GASK1A: variants seen among roughly 807,000 people sequenced by gnomAD.
The protein encoded by GASK1A is golgi associated kinase 1A.
A neutral mutation model predicts 41.2 loss-of-function variants in GASK1A; 40 were observed. That is an observed-to-expected ratio of 0.97 (90% confidence interval 0.75 to 1.27). The LOEUF (loss-of-function observed/expected upper bound fraction) is 1.27. Among genes scored for constraint, GASK1A ranks in the 50% most tolerant of loss-of-function variants. The pLI, the probability that GASK1A is intolerant of heterozygous loss-of-function variation, is 0.00. For synonymous variants in GASK1A, 316 were observed against 307.1 expected (o/e 1.03, Z -0.30); for missense variants, 678 against 745.1 (o/e 0.91, Z 1.05).
intron 1 of GASK1A, among the ~76,000 whole-genome samples, chr3:43,001,751 G>T (rs1187784461): frequency 6.6e-6 from 1 of 152,202 alleles, no homozygotes; most frequent in Non-Finnish European, 1.5e-5. Context: ...TAATTAGACT[G>T]CTGGCACTGG....
chr3:43,009,064 A>G (rs1254052894), intron 1 of GASK1A, among the ~76,000 whole-genome samples: 1 of 152,216 alleles, frequency 6.6e-6, no homozygotes, highest in East Asian at 1.9e-4. Context: ...TATACATTAA[A>G]ATATGTTGAA....
intron 1 of GASK1A, among the ~76,000 whole-genome samples, chr3:42,999,004 T>C (rs74282552): frequency 0.018 from 2,730 of 152,238 alleles, 38 homozygotes; most frequent in East Asian, 0.063. Flanking sequence ...TGTGTGCGTG[T>C]GTGTGTACAC....
chr3:43,049,472 G>A (rs1422905390), intron 2 of GASK1A, among the ~76,000 whole-genome samples: 1 of 152,156 alleles, frequency 6.6e-6, no homozygotes, highest in Admixed American at 6.5e-5. Flanking sequence ...AAGTTCAGGA[G>A]GCCAAAGCAG....
At chr3:43,019,554 T>C (rs2089511250) in intron 1 of GASK1A, among the ~76,000 whole-genome samples, 1 of 152,344 alleles carries the variant, frequency 6.6e-6, no homozygotes, top group African/African-American at 2.4e-5. Flanking sequence ...ACCCCAGCCA[T>C]AGTTTTGTTG....
At chr3:43,029,980 A>G (rs1248606219) in intron 1 of GASK1A, among the ~76,000 whole-genome samples, 1 of 152,148 alleles carries the variant, frequency 6.6e-6, no homozygotes, top group Non-Finnish European at 1.5e-5. Context: ...TGGGTACTGA[A>G]GGAGGAAAGA....
intron 2 of GASK1A, among the ~76,000 whole-genome samples, chr3:43,051,088 T>TGTTGAAAA: frequency 6.6e-6 from 1 of 152,354 alleles, no homozygotes; most frequent in Non-Finnish European, 1.5e-5. Flanking sequence ...CATATTTTTT[T>TGTTGAAAA]GTTGAAAACT....
chr3:43,031,264 T>C (rs993386813), intron 1 of GASK1A, among the ~76,000 whole-genome samples: 9 of 152,138 alleles, frequency 5.9e-5, no homozygotes, highest in Non-Finnish European at 1.3e-4. Context: ...GTACAGAGAC[T>C]CCCAACTGCA....
chr3:43,047,378 A>C (rs1575451985), intron 2 of GASK1A, among the ~76,000 whole-genome samples: 1 of 152,236 alleles, frequency 6.6e-6, no homozygotes, highest in African/African-American at 2.4e-5. Context: ...ACCCTGTCCT[A>C]GCCAACATTT....
chr3:43,040,872 T>C (rs1386961938), intron 2 of GASK1A, among the ~76,000 whole-genome samples: 10 of 54,032 alleles, frequency 1.9e-4, no homozygotes, highest in Non-Finnish European at 3.2e-4. Flanking sequence ...CCCAATGCTA[T>C]CCCTCCCCCC....
intron 2 of GASK1A, among the ~76,000 whole-genome samples, chr3:43,034,890 T>C (rs2089597237): frequency 6.6e-6 from 1 of 152,212 alleles, no homozygotes; most frequent in Non-Finnish European, 1.5e-5. Flanking sequence ...CTCTTTATTG[T>C]CCGACACTCA....
rs147233247 is a variant in GASK1A at position 43,054,996 on chromosome 3, A to C, written c.1414-436A>C. Among the ~76,000 whole-genome samples the C allele has an allele frequency of 3.6e-3, 544 of 152,296 alleles. 3 individuals carry two copies. The highest frequency in any genetic ancestry group is 0.013 in the African/African-American group (524 of 41,558). ...GCCCCGAGGAGCAGGCTACCTTGGC[A>C]ACTGCTGATTCCCACCCTTGCTCCT... On this transcript the variant is annotated intron_variant, in intron 3 of 4. Coordinates refer to ENST00000430121, the MANE Select transcript of GASK1A (RefSeq NM_001129908.3).
At chr3:42,994,293 G>A (rs1193116215) in intron 1 of GASK1A, among the ~76,000 whole-genome samples, 5 of 152,170 alleles carry the variant, frequency 3.3e-5, no homozygotes, top group Admixed American at 2.0e-4. Context: ...AGGGAACTAG[G>A]TCTGGATTTG....
At chr3:43,035,195 A>T (rs1341804578) in intron 2 of GASK1A, among the ~76,000 whole-genome samples, 1 of 151,948 alleles carries the variant, frequency 6.6e-6, no homozygotes, top group Non-Finnish European at 1.5e-5. Context: ...GGGGTTGTGC[A>T]CCCCAACCTC....
chr3:42,992,557 A>C (rs1382072761), intron 1 of GASK1A, among the ~76,000 whole-genome samples: 17 of 152,214 alleles, frequency 1.1e-4, no homozygotes, highest in African/African-American at 4.1e-4. Flanking sequence ...AGTGCAACAA[A>C]AGGATTAGGA....
chr3:43,046,767 C>T (rs145363955), intron 2 of GASK1A, among the ~76,000 whole-genome samples: 1,656 of 152,256 alleles, frequency 0.011, 14 homozygotes, highest in Non-Finnish European at 0.017. Context: ...GTTGTGTGGG[C>T]AGGGCCCAGG....
At chr3:43,038,274 G>A (rs1405378676) in intron 2 of GASK1A, among the ~76,000 whole-genome samples, 1 of 152,156 alleles carries the variant, frequency 6.6e-6, no homozygotes, top group Non-Finnish European at 1.5e-5. Flanking sequence ...TGAAGTGTGT[G>A]GTTAATATTG....
At chr3:43,011,837 T>C (rs1356096060) in intron 1 of GASK1A, among the ~76,000 whole-genome samples, 1 of 148,360 alleles carries the variant, frequency 6.7e-6, no homozygotes, top group Non-Finnish European at 1.5e-5. Context: ...GAAGAGGCAG[T>C]GTGACGTTAG....
In GASK1A at chr3:43,053,489, C is replaced by T. The variant is rs562798306; in HGVS notation, c.1291-32C>T. 1.2e-3 allele frequency: 1,797 copies of T among 1,510,142 alleles called. 24 individuals carry two copies. The highest frequency in any genetic ancestry group is 0.01 in the Middle Eastern group (58 of 5,728). 93.5% of individuals were successfully genotyped at this position (1,510,142 alleles called of 1,614,324 possible). Reference sequence around the variant, plus strand: ...TGCCTGGTGGAGGCAGGCCCCCTGCCGCACCCCACCGAAGGCTGGGTGTCT... The same window carrying T: ...TGCCTGGTGGAGGCAGGCCCCCTGCTGCACCCCACCGAAGGCTGGGTGTCT... On this transcript the variant is annotated intron_variant, in intron 2 of 4. Coordinates refer to ENST00000430121, the MANE Select transcript of GASK1A (RefSeq NM_001129908.3).
intron 1 of GASK1A, among the ~76,000 whole-genome samples, chr3:42,988,153 C>T (rs917023200): frequency 2.6e-5 from 4 of 152,250 alleles, no homozygotes; most frequent in African/African-American, 9.6e-5. Context: ...GGCCTCCAGC[C>T]CAGCTGACTA....
Sources: gnomAD v4.1 joint callset for allele counts (sites outside exome capture counted in the v4.1 genomes callset) on GRCh38, gnomAD v4.1.1 for gene constraint, MANE v1.5 for transcripts, NCBI Gene and HGNC (gene_info 2026-07-23, HGNC 2026-07-21) for gene names.